Variants in PTPRD observed in about 807,000 individuals in gnomAD.
The protein encoded by PTPRD is receptor-type tyrosine-protein phosphatase delta.
PTPRD carries 34 observed loss-of-function variants against 214.5 expected under a neutral mutation model. That is an observed-to-expected ratio of 0.16 (90% CI 0.12 to 0.21). The LOEUF (loss-of-function observed/expected upper bound fraction) is 0.21. PTPRD is among the 10% of genes least tolerant of loss of function. The pLI is 1.00. For synonymous variants in PTPRD, 1,128 were observed against 845.7 expected, an observed-to-expected ratio of 1.33 and a Z score of -5.79; for missense variants, 2,545 against 2,398.7, an observed-to-expected ratio of 1.06 and a Z score of -1.27.
chr9:9,006,108 C>G (rs541014760), intron 11 of PTPRD, among the ~76,000 whole-genome samples: 26 of 151,976 alleles, frequency 1.7e-4, no homozygotes, highest in African/African-American at 5.8e-4. Flanking sequence ...GAATGAAGCA[C>G]AGTGCAACTG....
intron 12 of PTPRD, among the ~76,000 whole-genome samples, chr9:8,650,572 G>A (rs1435921838): frequency 6.7e-6 from 1 of 148,624 alleles, no homozygotes; most frequent in African/African-American, 2.5e-5. Flanking sequence ...GATAAACAAC[G>A]GGAAACATAA....
chr9:8,850,251 T>C (rs2097785194), intron 11 of PTPRD, among the ~76,000 whole-genome samples: 1 of 152,250 alleles, frequency 6.6e-6, no homozygotes, highest in East Asian at 1.9e-4. Flanking sequence ...GAAATTTATT[T>C]TGAAGGTTAT....
intron 5 of PTPRD, among the ~76,000 whole-genome samples, chr9:9,863,947 T>C (rs915898422): frequency 5.9e-5 from 9 of 152,150 alleles, no homozygotes; most frequent in African/African-American, 2.2e-4. Context: ...TTTGAGTTGG[T>C]TGATTTCTCA....
intron 14 of PTPRD, among the ~76,000 whole-genome samples, chr9:8,542,158 A>G (rs1218194929): frequency 6.6e-6 from 1 of 152,212 alleles, no homozygotes; most frequent in African/African-American, 2.4e-5. Context: ...TCCAAAAGCA[A>G]ATGAAAGGAA....
intron 4 of PTPRD, among the ~76,000 whole-genome samples, chr9:9,988,527 G>A (rs867069880): frequency 4.8e-4 from 73 of 152,110 alleles, no homozygotes; most frequent in African/African-American, 1.6e-3. Context: ...AGGACATGCA[G>A]AACATAAGTC....
At chr9:9,087,392 C>G (rs910629468) in intron 10 of PTPRD, among the ~76,000 whole-genome samples, 3 of 151,852 alleles carry the variant, frequency 2.0e-5, no homozygotes, top group Admixed American at 6.6e-5. Flanking sequence ...AGTGGTTTAC[C>G]GATAAGTTCA....
In PTPRD at chr9:8,371,413, C is replaced by T. The variant is rs374613877; in HGVS notation, c.4661+4523G>A. 7.9e-5 allele frequency among the ~76,000 whole-genome samples: 12 copies of T among 152,084 alleles called. No homozygotes were observed. The East Asian group carries it at 2.3e-3, about 29-fold the overall frequency. On this transcript the variant is annotated intron_variant, in intron 39 of 45. Coordinates refer to ENST00000381196, the MANE Select transcript of PTPRD (RefSeq NM_002839.4). ...AAATGTACATAAGCCATGACTCATG[C>T]CTTCTGAGATCTCAAGGTACGTATG...
chr9:8,452,991 T>C (rs1299491035), intron 33 of PTPRD, among the ~76,000 whole-genome samples: 1 of 152,228 alleles, frequency 6.6e-6, no homozygotes, highest in African/African-American at 2.4e-5. Context: ...TATTTGTTTC[T>C]GTTAACATTA....
Position 10,480,462 on chromosome 9 carries a change from C to T in PTPRD, c.-600+131936G>A, listed in dbSNP as rs545514596. ...AGGTGAGTCAATGCAATGTTACAAACGCTATTTTGGTGGCAATTCATATGC... is the reference window on the plus strand; with the variant it reads ...AGGTGAGTCAATGCAATGTTACAAATGCTATTTTGGTGGCAATTCATATGC... On this transcript the variant is annotated intron_variant, in intron 2 of 45. Transcript: ENST00000381196. Among the ~76,000 whole-genome samples, 11 of 152,108 alleles carry T rather than the reference C, an allele frequency of 7.2e-5. No individual in the cohort carries two copies. The East Asian group carries it at 1.4e-3, about 19-fold the overall frequency.
intron 11 of PTPRD, among the ~76,000 whole-genome samples, chr9:8,973,278 T>C (rs550234459): frequency 1.3e-5 from 2 of 152,082 alleles, no homozygotes; most frequent in African/African-American, 4.8e-5. Flanking sequence ...CCCTGCGCGC[T>C]CAATGTTTAG....
intron 14 of PTPRD, among the ~76,000 whole-genome samples, chr9:8,599,852 G>C (rs1049270055): frequency 6.6e-6 from 1 of 151,972 alleles, no homozygotes; most frequent in Non-Finnish European, 1.5e-5. Flanking sequence ...CCCTACCTCA[G>C]ATGATCCACC....
intron 2 of PTPRD, among the ~76,000 whole-genome samples, chr9:10,468,982 A>T (rs1265688070): frequency 1.3e-5 from 2 of 152,194 alleles, no homozygotes; most frequent in Admixed American, 6.6e-5. Flanking sequence ...AAAAAAAGTT[A>T]TCCAGAATTG....
At chr9:10,189,611 A>T (rs2099353613) in intron 3 of PTPRD, among the ~76,000 whole-genome samples, 1 of 152,186 alleles carries the variant, frequency 6.6e-6, no homozygotes, top group Non-Finnish European at 1.5e-5. Context: ...GCAATGTTCC[A>T]CAACATGCAG....
chr9:8,492,793 G>C, intron 27 of PTPRD, 69 bp downstream of exon 27: 3 of 1,079,304 alleles, frequency 2.8e-6, no homozygotes, highest in Admixed American at 2.1e-5. Context: ...AAGCCTGCTA[G>C]AAGCTACCTA....
chr9:10,302,168 G>A (rs1163792459), intron 3 of PTPRD, among the ~76,000 whole-genome samples: 2 of 152,120 alleles, frequency 1.3e-5, no homozygotes, highest in African/African-American at 4.8e-5. Flanking sequence ...GCCAAACAAA[G>A]CTTCATAAGT....
intron 9 of PTPRD, among the ~76,000 whole-genome samples, chr9:9,227,801 G>T (rs1448618766): frequency 6.6e-6 from 1 of 152,084 alleles, no homozygotes; most frequent in African/African-American, 2.4e-5. Context: ...TCTTGGAAAT[G>T]GATCCTCCAG....
intron 11 of PTPRD, among the ~76,000 whole-genome samples, chr9:8,745,439 C>G (rs1413029956): frequency 6.6e-6 from 1 of 152,158 alleles, no homozygotes; most frequent in Non-Finnish European, 1.5e-5. Context: ...AAGGGGAAGG[C>G]AACCTTAAAG....
At chr9:8,624,711 G>C (rs770591723) in intron 14 of PTPRD, among the ~76,000 whole-genome samples, 14 of 151,772 alleles carry the variant, frequency 9.2e-5, no homozygotes, top group African/African-American at 3.1e-4. Context: ...ATTCAGACTT[G>C]AGTAATGTGT....
intron 10 of PTPRD, among the ~76,000 whole-genome samples, chr9:9,071,493 A>G (rs902057130): frequency 6.6e-6 from 1 of 152,158 alleles, no homozygotes; most frequent in Non-Finnish European, 1.5e-5. Flanking sequence ...TGATGCAAGC[A>G]GTCAGGTTGA....
Sources: allele counts gnomAD v4.1 joint callset (sites outside exome capture counted in the v4.1 genomes callset), GRCh38; gene constraint gnomAD v4.1.1; transcripts MANE v1.5; gene names NCBI Gene and HGNC (gene_info 2026-07-23, HGNC 2026-07-21).